Variants in SEMA3D observed in about 807,000 individuals in gnomAD.
SEMA3D encodes semaphorin-3D.
Under a neutral mutation model 100.1 loss-of-function variants are expected in SEMA3D, and 84 were observed. The observed-to-expected ratio is 0.84, with a 90% confidence interval of 0.70 to 1.01. SEMA3D has a LOEUF of 1.01. Among genes scored for constraint, SEMA3D ranks in the 50% least tolerant of loss-of-function variants. The pLI is 0.00. For synonymous variants in SEMA3D, 312 were observed against 320.7 expected (o/e 0.97, Z 0.29); for missense variants, 875 against 934.1 (o/e 0.94, Z 0.82).
chr7:85,163,113 A>T, intron 1 of SEMA3D: 1 of 408,720 alleles, frequency 2.4e-6, no homozygotes, highest in Non-Finnish European at 3.3e-6. Flanking sequence ...AGAAAAGAAA[A>T]AAAAAGGCAC....
At chr7:85,034,701 G>T (rs1159521874) in intron 12 of SEMA3D, among the ~76,000 whole-genome samples, 1 of 152,056 alleles carries the variant, frequency 6.6e-6, no homozygotes, top group Non-Finnish European at 1.5e-5. Context: ...AATGGCCAAT[G>T]GGTACATGAA....
chr7:85,003,793 A>G (rs1473101497), intron 18 of SEMA3D, among the ~76,000 whole-genome samples: 6 of 152,108 alleles, frequency 3.9e-5, no homozygotes, highest in Non-Finnish European at 1.5e-5. Flanking sequence ...AAAGAAGTAG[A>G]TATTAATGCA....
chr7:85,212,365 T>A, the SEMA3D span, among the ~76,000 whole-genome samples: 58 of 152,270 alleles, frequency 3.8e-4, no homozygotes, highest in South Asian at 8.1e-3. Flanking sequence ...TGCCATATTT[T>A]AGAGTAACTT....
At chr7:85,044,264 G>C (rs1280266008) in intron 9 of SEMA3D, among the ~76,000 whole-genome samples, 1 of 151,908 alleles carries the variant, frequency 6.6e-6, no homozygotes, top group Non-Finnish European at 1.5e-5. Flanking sequence ...CTTGAAGAAA[G>C]GGGGAAGGGG....
At chr7:85,041,027 G>T in intron 10 of SEMA3D, 2 of 198,198 alleles carry the variant, frequency 1.0e-5, no homozygotes, top group South Asian at 1.1e-4. Context: ...AAAAAATTCT[G>T]TCCTATAATT....
intron 4 of SEMA3D, among the ~76,000 whole-genome samples, chr7:85,091,950 C>A (rs893481450): frequency 6.6e-6 from 1 of 152,020 alleles, no homozygotes; most frequent in Non-Finnish European, 1.5e-5. Flanking sequence ...TATGAGAAAT[C>A]TACATACAAT....
Position 85,147,671 on chromosome 7 carries a change from C to T in SEMA3D, c.-41+5937G>A, listed in dbSNP as rs537289446. Among the ~76,000 whole-genome samples, 5 of 152,040 alleles carry T rather than the reference C, an allele frequency of 3.3e-5. No homozygotes were observed. The South Asian group carries it at 8.3e-4, about 25-fold the overall frequency. On this transcript the variant is annotated intron_variant, in intron 2 of 18. Transcript: ENST00000284136. ...TCTTAAGAATCAATTTTTTCAAGTA[C>T]CTTATTATTTAAATATTATTTATTT...
intron 12 of SEMA3D, chr7:85,029,143 C>A (rs1304199861): frequency 3.2e-6 from 2 of 631,440 alleles, no homozygotes; most frequent in Non-Finnish European, 6.0e-6. Context: ...CATGTCATTG[C>A]CAAGGATAAA....
chr7:85,050,583 C>G, intron 9 of SEMA3D: 1 of 389,114 alleles, frequency 2.6e-6, no homozygotes, highest in Non-Finnish European at 4.6e-6. Flanking sequence ...CAATATTGCC[C>G]AGTAAAATTA....
rs1286976775 is a variant in SEMA3D, at chr7:85,091,525, A to T, written c.312+6280T>A. On this transcript the variant is annotated intron_variant, in intron 4 of 18. Coordinates refer to ENST00000284136, the MANE Select transcript of SEMA3D (RefSeq NM_001384900.1). ...CATTAAAAAAAAAAGAGTGAGAAAGAGGGAGGGGAAGACTTTCAGCTTGTA... is the reference window on the plus strand; with the variant it reads ...CATTAAAAAAAAAAGAGTGAGAAAGTGGGAGGGGAAGACTTTCAGCTTGTA... Among the ~76,000 whole-genome samples the T allele has an allele frequency of 2.6e-5, 4 of 151,452 alleles. No individual in the cohort carries two copies. In the East Asian group the frequency reaches 7.8e-4, roughly 30 times the overall value.
intron 13 of SEMA3D, among the ~76,000 whole-genome samples, chr7:85,020,608 T>C (rs1040802094): frequency 2.0e-5 from 3 of 151,532 alleles, no homozygotes; most frequent in African/African-American, 7.3e-5. Flanking sequence ...ATAATTTAAA[T>C]ATTGTTTGAA....
the SEMA3D span, among the ~76,000 whole-genome samples, chr7:85,235,633 T>C: frequency 6.6e-6 from 1 of 152,132 alleles, no homozygotes; most frequent in South Asian, 2.1e-4. Context: ...ATAATATGGG[T>C]GAAAGATAAA....
chr7:85,160,555 C>T (rs560218586), intron 1 of SEMA3D, among the ~76,000 whole-genome samples: 11 of 152,178 alleles, frequency 7.2e-5, no homozygotes, highest in Admixed American at 3.3e-4. Flanking sequence ...TGTAGAAACA[C>T]GCATCATCAT....
rs1190886254 is a variant in SEMA3D, at chr7:84,998,694, T to G, written c.*746A>C. ...TATTAAAATATTTTCCCATATCTTA[T>G]TAAAGTATTTATTAAGCATTCTGTC... is the stretch of plus-strand genomic sequence containing the variant. On this transcript the variant is annotated 3_prime_UTR_variant, in exon 19 of 19. Transcript: ENST00000284136. 1 of 152,142 alleles carries G rather than the reference T, an allele frequency of 6.6e-6. No homozygotes were observed. The highest frequency in any genetic ancestry group is 2.4e-5 in the African/African-American group (1 of 41,436). 9.4% of individuals were successfully genotyped at this position (152,142 alleles called of 1,614,324 possible). A position where few individuals can be genotyped will look rare whatever the true frequency, so the allele number is the denominator to read the frequency against.
At position 84,999,635 on chromosome 7, in the gene SEMA3D, G is replaced by T. The variant is rs766203704; in HGVS notation, c.2139C>A (p.Tyr713Ter). 2 of 1,613,934 alleles carry T rather than the reference G, an allele frequency of 1.2e-6. No homozygotes were observed. Among genetic ancestry groups the T allele is most frequent in the South Asian group, 1.1e-5 (1 of 91,084 alleles). Residue 713 changes from tyrosine to a stop codon, truncating the protein, a stop_gained, in exon 19 of 19, where the codon TAC becomes TAA. Transcript: ENST00000284136. LOFTEE classifies it high-confidence loss of function. Reference protein sequence around the residue: ...KDLLAESRLRYKDYIQILSSP... With the variant: ...KDLLAESRLR ...TGCTAAGGATTTGGATGTAGTCTTT[G>T]TATCTCAACCGTGACTCAGCCAATA...
chr7:85,206,315 T>C, the SEMA3D span, among the ~76,000 whole-genome samples: 1 of 152,128 alleles, frequency 6.6e-6, no homozygotes, highest in Non-Finnish European at 1.5e-5. Context: ...TATGTGAACT[T>C]ACCATACATA....
intron 4 of SEMA3D, among the ~76,000 whole-genome samples, chr7:85,082,523 T>C (rs1283179390): frequency 1.3e-5 from 2 of 152,224 alleles, no homozygotes; most frequent in Non-Finnish European, 2.9e-5. Context: ...AAAATACTTA[T>C]AATATATGCT....
rs759805403 is a variant in SEMA3D, at chr7:85,065,564, A to C, written c.590-12T>G. On this transcript the variant is annotated splice_polypyrimidine_tract_variant and intron_variant, in intron 7 of 18. Coordinates refer to ENST00000284136, the MANE Select transcript of SEMA3D (RefSeq NM_001384900.1). Reference sequence around the variant, plus strand: ...GTAGAGGTACTCATCTGAGAGGGAGAAAAAAGTACACAGAACTTTTAAGAG... The same window carrying C: ...GTAGAGGTACTCATCTGAGAGGGAGCAAAAAGTACACAGAACTTTTAAGAG... The C allele has an allele frequency of 6.2e-7, 1 of 1,610,420 alleles. No individual in the cohort carries two copies.
chr7:85,113,625 G>GC, intron 3 of SEMA3D, among the ~76,000 whole-genome samples: 1 of 151,076 alleles, frequency 6.6e-6, no homozygotes, highest in African/African-American at 2.4e-5. Context: ...ACAAAAATTA[G>GC]CTGGGCTTGG....
Sources: allele counts gnomAD v4.1 joint callset (sites outside exome capture counted in the v4.1 genomes callset), GRCh38; gene constraint gnomAD v4.1.1; transcripts MANE v1.5; gene names NCBI Gene and HGNC (gene_info 2026-07-23, HGNC 2026-07-21).